The following CSMD1 variants were observed in gnomAD, a reference collection of about 807,000 sequenced individuals.
CSMD1 encodes CUB and sushi domain-containing protein 1.
CSMD1 carries 213 observed loss-of-function variants against 417.5 expected under a neutral mutation model. That is an observed-to-expected ratio of 0.51 (90% CI 0.46 to 0.57). The LOEUF is 0.57. Among genes scored for constraint, CSMD1 ranks in the 20% least tolerant of loss-of-function variants. CSMD1 has a pLI of 0.00. For missense variants in CSMD1, 6,923 were observed against 4,529.7 expected (o/e 1.53, Z -15.17); for synonymous variants, 2,862 against 1,736.8 (o/e 1.65, Z -16.11).
intron 23 of CSMD1, among the ~76,000 whole-genome samples, chr8:3,318,306 G>A (rs1192080753): frequency 6.6e-6 from 1 of 152,110 alleles, no homozygotes; most frequent in East Asian, 1.9e-4. Context: ...GAAAATCTCT[G>A]TAGTTCTCTA....
At position 2,961,187 on chromosome 8, in the gene CSMD1, G is replaced by C. The variant is rs1422617737; in HGVS notation, c.9656C>G (p.Pro3219Arg). 2 of 1,602,034 alleles carry C rather than the reference G, an allele frequency of 1.2e-6. No homozygotes were observed. Among genetic ancestry groups the C allele is most frequent in the African/African-American group, 1.3e-5 (1 of 74,690 alleles). ...CTGTATTCCAAAGTGTGGCGTACCAGGGTCTGGGCAGGTGTTATGAGCAGG... is the reference window on the plus strand; with the variant it reads ...CTGTATTCCAAAGTGTGGCGTACCACGGTCTGGGCAGGTGTTATGAGCAGG... The part of the protein sequence containing the change: ...IDPAHNTCPD[P>R]GTPHFGIQNS... Residue 3219 changes from proline to arginine, a missense_variant, in exon 62 of 70, where the codon CCT (proline) becomes CGT (arginine). Coordinates refer to ENST00000635120, the MANE Select transcript of CSMD1 (RefSeq NM_033225.6).
intron 3 of CSMD1, among the ~76,000 whole-genome samples, chr8:4,211,190 G>A (rs935625962): frequency 4.7e-5 from 7 of 150,080 alleles, no homozygotes; most frequent in African/African-American, 1.7e-4. Context: ...TGTATTTCAG[G>A]GAAAGTCATT....
intron 2 of CSMD1, among the ~76,000 whole-genome samples, chr8:4,440,489 C>T (rs765386692): frequency 6.6e-6 from 1 of 152,154 alleles, no homozygotes; most frequent in African/African-American, 2.4e-5. Flanking sequence ...AGCAACTGTT[C>T]TCATTTCCCT....
chr8:4,112,101 C>G (rs937451489), intron 3 of CSMD1, among the ~76,000 whole-genome samples: 5 of 152,110 alleles, frequency 3.3e-5, no homozygotes, highest in African/African-American at 4.8e-5. Context: ...ACTGAAGGAA[C>G]CACATTAGCC....
intron 3 of CSMD1, among the ~76,000 whole-genome samples, chr8:4,123,499 G>C (rs1802599196): frequency 6.6e-6 from 1 of 152,156 alleles, no homozygotes; most frequent in African/African-American, 2.4e-5. Context: ...GCTTTTAGAA[G>C]ATTCGGGACT....
intron 37 of CSMD1, among the ~76,000 whole-genome samples, chr8:3,169,839 A>C (rs1248323772): frequency 1.3e-5 from 2 of 152,192 alleles, no homozygotes; most frequent in African/African-American, 4.8e-5. Context: ...GTGTCACTAC[A>C]TGCCCAGACA....
intron 10 of CSMD1, among the ~76,000 whole-genome samples, chr8:3,532,264 G>C (rs751358481): frequency 6.6e-6 from 1 of 152,116 alleles, no homozygotes; most frequent in Non-Finnish European, 1.5e-5. Flanking sequence ...CAGACAATGA[G>C]GCCACTTCAC....
intron 6 of CSMD1, among the ~76,000 whole-genome samples, chr8:3,741,311 T>C (rs2623715): frequency 1.3e-5 from 2 of 151,142 alleles, no homozygotes; most frequent in Admixed American, 6.6e-5. Context: ...AGACTAAATG[T>C]TTAAAGAGGT....
intron 25 of CSMD1, among the ~76,000 whole-genome samples, chr8:3,305,103 C>G (rs1449484393): frequency 6.6e-6 from 1 of 152,070 alleles, no homozygotes; most frequent in Non-Finnish European, 1.5e-5. Context: ...TCAGCCTTGA[C>G]CAACTGGGCT....
chr8:4,728,640 T>A (rs1164033902), intron 1 of CSMD1, among the ~76,000 whole-genome samples: 1 of 152,198 alleles, frequency 6.6e-6, no homozygotes, highest in East Asian at 1.9e-4. Flanking sequence ...CCCATGTATG[T>A]TAGAGAATCT....
chr8:4,526,536 A>G (rs892603801), intron 2 of CSMD1, among the ~76,000 whole-genome samples: 7 of 152,268 alleles, frequency 4.6e-5, no homozygotes, highest in Non-Finnish European at 1.0e-4. Context: ...CAACTGAATT[A>G]TAGAACTGTG....
intron 5 of CSMD1, among the ~76,000 whole-genome samples, chr8:3,779,670 T>G (rs1362448076): frequency 6.6e-6 from 1 of 152,204 alleles, no homozygotes; most frequent in African/African-American, 2.4e-5. Context: ...GATATGACAT[T>G]TAAAATATAG....
At chr8:4,275,495 T>A (rs929826589) in intron 3 of CSMD1, among the ~76,000 whole-genome samples, 1 of 134,730 alleles carries the variant, frequency 7.4e-6, no homozygotes, top group African/African-American at 2.7e-5. Context: ...GAGGGAGTGA[T>A]AGGAAAACAA....
intron 1 of CSMD1, among the ~76,000 whole-genome samples, chr8:4,968,636 A>C (rs1810035027): frequency 6.6e-6 from 1 of 152,130 alleles, no homozygotes; most frequent in African/African-American, 2.4e-5. Context: ...GCTGATTTCA[A>C]ATATTCTATC....
intron 7 of CSMD1, among the ~76,000 whole-genome samples, chr8:3,671,997 A>T (rs1799095596): frequency 6.6e-6 from 1 of 152,202 alleles, no homozygotes; most frequent in African/African-American, 2.4e-5. Flanking sequence ...AAACAAAAAT[A>T]ATTGAGAACA....
chr8:3,456,649 A>G (rs1003231924), intron 12 of CSMD1, among the ~76,000 whole-genome samples: 3 of 152,152 alleles, frequency 2.0e-5, no homozygotes, highest in Non-Finnish European at 4.4e-5. Context: ...GTGTTTCAGT[A>G]TCAGAGGTGG....
At chr8:4,243,074 T>C (rs796327081) in intron 3 of CSMD1, among the ~76,000 whole-genome samples, 4 of 152,254 alleles carry the variant, frequency 2.6e-5, no homozygotes, top group African/African-American at 9.6e-5. Context: ...TTTTTTCCTT[T>C]CTTGCCATGA....
intron 3 of CSMD1, among the ~76,000 whole-genome samples, chr8:4,229,739 C>A (rs748933500): frequency 2.0e-5 from 3 of 152,164 alleles, no homozygotes; most frequent in Admixed American, 1.3e-4. Flanking sequence ...CCTCTGCCGT[C>A]CTGCTTCTAC....
At chr8:4,461,785 G>A (rs1337042504) in intron 2 of CSMD1, among the ~76,000 whole-genome samples, 1 of 141,220 alleles carries the variant, frequency 7.1e-6, no homozygotes, top group African/African-American at 2.6e-5. Flanking sequence ...CTGTCACCCA[G>A]GCTGGAGTGC....
Sources: allele counts gnomAD v4.1 joint callset (sites outside exome capture counted in the v4.1 genomes callset), GRCh38; gene constraint gnomAD v4.1.1; transcripts MANE v1.5; gene names NCBI Gene and HGNC (gene_info 2026-07-23, HGNC 2026-07-21).